The following SEC23A variants were observed in gnomAD, a reference collection of about 807,000 sequenced individuals.
SEC23A encodes the protein SEC23 homolog A, COPII component.
SEC23A carries 56 observed loss-of-function variants against 103.7 expected under a neutral mutation model. The ratio of observed to expected loss-of-function variants is 0.54; its 90% CI spans 0.44 to 0.67. SEC23A has a LOEUF of 0.67. SEC23A is among the 30% of genes least tolerant of loss of function. The probability of loss-of-function intolerance (pLI) is 0.00; values close to 1 mark genes in which losing one functional copy is unlikely to be tolerated. For synonymous variants in SEC23A, 281 were observed against 293.0 expected (o/e 0.96, Z 0.42); for missense variants, 784 against 936.4 (o/e 0.84, Z 2.12).
intron 10 of SEC23A, 151 bp downstream of exon 10, chr14:39,067,022 G>T: frequency 2.3e-6 from 2 of 882,486 alleles, no homozygotes; most frequent in Non-Finnish European, 1.8e-6. Context: ...CACTCTTCTG[G>T]TGAAGAAAAT....
intron 7 of SEC23A, 35 bp downstream of exon 7, chr14:39,085,727 C>T (rs1013359738): frequency 1.2e-6 from 2 of 1,605,302 alleles, no homozygotes; most frequent in Admixed American, 1.7e-5. Flanking sequence ...CACACACACA[C>T]ACTTTACATT....
chr14:39,094,036 T>C (rs1486949540), intron 2 of SEC23A, among the ~76,000 whole-genome samples: 1 of 151,432 alleles, frequency 6.6e-6, no homozygotes, highest in African/African-American at 2.4e-5. Flanking sequence ...TTGGTGTTTT[T>C]TTTGAGACAG....
intron 7 of SEC23A, among the ~76,000 whole-genome samples, chr14:39,078,417 G>T (rs1887113501): frequency 6.6e-6 from 1 of 152,126 alleles, no homozygotes; most frequent in Non-Finnish European, 1.5e-5. Flanking sequence ...TCCCAAAGGA[G>T]GATGCCCAAA....
chr14:39,059,954 G>A (rs1363141082), intron 13 of SEC23A, among the ~76,000 whole-genome samples: 1 of 152,066 alleles, frequency 6.6e-6, no homozygotes, highest in Non-Finnish European at 1.5e-5. Context: ...CTTTAATCTG[G>A]ATCAGTTGCT....
chr14:39,047,488 C>A, intron 15 of SEC23A: 1 of 891,186 alleles, frequency 1.1e-6, no homozygotes, highest in Non-Finnish European at 1.5e-6. Flanking sequence ...ATAAAGGATC[C>A]TCAAAACAAA....
At position 39,076,086 on chromosome 14, in the gene SEC23A, A is replaced by G. The variant is rs1411273054; in HGVS notation, c.836T>C (p.Phe279Ser). The change falls in exon 8 of 20, where the codon TTT (phenylalanine) becomes TCT (serine). Residue 279 changes from phenylalanine (F) to serine (S), a missense_variant. This residue lies in a region of SEC23A where 683 missense variants were observed against 774.2 expected (regional missense o/e 0.88). Transcript: ENST00000307712. ...SIAVGLLECT[F>S]PNTGARIMMF... ...CATGATACGAGCACCAGTGTTGGGAAAAGTACACTATTAAAAAAAAAGTCA... is the reference window on the plus strand; with the variant it reads ...CATGATACGAGCACCAGTGTTGGGAGAAGTACACTATTAAAAAAAAAGTCA... 1.2e-6 allele frequency: 2 copies of G among 1,610,524 alleles called. No homozygotes were observed. The highest frequency in any genetic ancestry group is 1.7e-5 in the Admixed American group (1 of 59,580).
Position 39,078,900 on chromosome 14 carries a change from A to C in SEC23A, c.829-2807T>G, listed in dbSNP as rs372733843. Among the ~76,000 whole-genome samples, 72 of 152,282 alleles carry C rather than the reference A, an allele frequency of 4.7e-4. 1 individual carries two copies. The South Asian group carries it at 0.015, about 31-fold the overall frequency. ...TAGAAAGAGAAATAAATTAAGCTGA[A>C]GAATGACAATATTTTTCAGAATTAA... is the stretch of plus-strand genomic sequence containing the variant. On this transcript the variant is annotated intron_variant, in intron 7 of 19. Coordinates refer to ENST00000307712, the MANE Select transcript of SEC23A (RefSeq NM_006364.4).
intron 5 of SEC23A, chr14:39,091,060 G>T: frequency 2.4e-6 from 1 of 409,736 alleles, no homozygotes; most frequent in South Asian, 2.0e-5. Flanking sequence ...AGAAGAACCT[G>T]AGGAGTATGA....
rs1453159798 is a variant in SEC23A, at chr14:39,040,593, G to A, written c.2142+139C>T. 2.8e-6 allele frequency: 3 copies of A among 1,061,188 alleles called. No homozygotes were observed. The African/African-American group carries it at 4.7e-5, about 17-fold the overall frequency. The allele number at this position is 1,061,188 out of a possible 1,614,324, so 65.7% of individuals were successfully genotyped here. A position where few individuals can be genotyped will look rare whatever the true frequency, so the allele number is the denominator to read the frequency against. ...TCTCAAAAGCTAATGCAAAAAGTAA[G>A]CACTGATACCTTCCCCACCTATCTC... On this transcript the variant is annotated intron_variant, in intron 18 of 19. Coordinates refer to ENST00000307712, the MANE Select transcript of SEC23A (RefSeq NM_006364.4).
chr14:39,064,797 C>G (rs1886600795), intron 11 of SEC23A, 116 bp downstream of exon 11: 1 of 799,982 alleles, frequency 1.3e-6, no homozygotes, highest in African/African-American at 1.7e-5. Context: ...CTGAGCTGGT[C>G]TCTAACTCCT....
chr14:39,045,078 A>G (rs1885782608), intron 16 of SEC23A, 85 bp downstream of exon 16: 2 of 1,088,440 alleles, frequency 1.8e-6, no homozygotes, highest in Non-Finnish European at 2.8e-6. Flanking sequence ...TTTAGTAACT[A>G]TATGCATTTT....
At chr14:39,079,012 A>G (rs1304833362) in intron 7 of SEC23A, among the ~76,000 whole-genome samples, 1 of 152,196 alleles carries the variant, frequency 6.6e-6, no homozygotes, top group African/African-American at 2.4e-5. Flanking sequence ...CCAAAATTAA[A>G]GAGAATATTC....
chr14:39,052,076 T>TG (rs898169669), intron 14 of SEC23A, among the ~76,000 whole-genome samples: 4 of 151,978 alleles, frequency 2.6e-5, no homozygotes, highest in Admixed American at 2.0e-4. Context: ...AAACACCACA[T>TG]GCTCTCACTT....
At chr14:39,066,489 TTA>T (rs1886673504) in intron 10 of SEC23A, among the ~76,000 whole-genome samples, 4 of 148,560 alleles carry the variant, frequency 2.7e-5, no homozygotes, top group Admixed American at 6.6e-5. Flanking sequence ...TTTTTTTTTT[TTA>T]AAAAAAACAG....
At chr14:39,087,213 C>T (rs978394563) in intron 5 of SEC23A, among the ~76,000 whole-genome samples, 3 of 152,092 alleles carry the variant, frequency 2.0e-5, no homozygotes, top group Non-Finnish European at 4.4e-5. Context: ...GAGAGAAAAG[C>T]ACAAGGTGTT....
At chr14:39,074,898 G>C (rs142454239) in intron 8 of SEC23A, among the ~76,000 whole-genome samples, 2,220 of 152,130 alleles carry the variant, frequency 0.015, 63 homozygotes, top group African/African-American at 0.05. Context: ...ATGAGGTCAG[G>C]AGATCGAGAC....
At chr14:39,065,490 T>C (rs1886627453) in intron 10 of SEC23A, among the ~76,000 whole-genome samples, 1 of 152,190 alleles carries the variant, frequency 6.6e-6, no homozygotes, top group Middle Eastern at 3.2e-3. Flanking sequence ...CACTGTCAGA[T>C]GAATCTTACC....
intron 14 of SEC23A, among the ~76,000 whole-genome samples, chr14:39,052,116 T>C (rs1886085246): frequency 6.6e-6 from 1 of 151,864 alleles, no homozygotes; most frequent in Non-Finnish European, 1.5e-5. Context: ...TGAGAACACA[T>C]GGACACATGG....
chr14:39,095,847 G>A (rs375663113), intron 2 of SEC23A, 51 bp downstream of exon 2: 38 of 1,371,502 alleles, frequency 2.8e-5, no homozygotes, highest in South Asian at 1.2e-4. Flanking sequence ...GAAAAACCCC[G>A]ACATTTTAAA....
Sources: gnomAD v4.1 joint callset for allele counts (sites outside exome capture counted in the v4.1 genomes callset) on GRCh38, gnomAD v4.1.1 for gene constraint, gnomAD v4.1.1 regional missense constraint, MANE v1.5 for transcripts, NCBI Gene and HGNC (gene_info 2026-07-23, HGNC 2026-07-21) for gene names.